VDR: variants seen among roughly 807,000 people sequenced by gnomAD.
The protein encoded by VDR is vitamin D3 receptor.
Under a neutral mutation model 39.7 loss-of-function variants are expected in VDR, and 19 were observed. The ratio of observed to expected loss-of-function variants is 0.48; its 90% CI spans 0.33 to 0.70. The LOEUF is 0.70. Ranked by LOEUF, VDR falls within the 30% of genes least tolerant of loss-of-function variation. The probability of loss-of-function intolerance (pLI) is 0.02; values close to 1 mark genes in which losing one functional copy is unlikely to be tolerated. For synonymous variants in VDR, 242 were observed against 215.8 expected (o/e 1.12, Z -1.07); for missense variants, 442 against 570.5 (o/e 0.77, Z 2.29).
At chr12:47,879,476 T>C (rs770095680) in intron 2 of VDR, among the ~76,000 whole-genome samples, 3 of 152,180 alleles carry the variant, frequency 2.0e-5, no homozygotes, top group Admixed American at 6.5e-5. Context: ...ATGAACCCAT[T>C]CATGCTACTG....
chr12:47,873,255 A>T (rs1370256622), intron 3 of VDR, among the ~76,000 whole-genome samples: 3 of 151,404 alleles, frequency 2.0e-5, no homozygotes, highest in African/African-American at 7.3e-5. Flanking sequence ...GCTGCCATGT[A>T]AGACAGGCCT....
At chr12:47,870,045 G>A (rs2189480) in intron 3 of VDR, among the ~76,000 whole-genome samples, 1 of 151,952 alleles carries the variant, frequency 6.6e-6, no homozygotes, top group South Asian at 2.1e-4. Flanking sequence ...AGTGTTCAGG[G>A]TATAGAAAGT....
At chr12:47,861,955 A>C (rs1358204231) in intron 4 of VDR, among the ~76,000 whole-genome samples, 2 of 152,376 alleles carry the variant, frequency 1.3e-5, no homozygotes. Flanking sequence ...GTTTGGGAGA[A>C]TCTTACTGAT....
Position 47,842,403 on chromosome 12 carries a change from C to T in VDR, c.*2343G>A, listed in dbSNP as rs1176877517. The T allele has an allele frequency of 6.6e-6, 1 of 152,376 alleles. No individual in the cohort carries two copies. Among genetic ancestry groups the T allele is most frequent in the Non-Finnish European group, 1.5e-5 (1 of 68,066 alleles). The allele number at this position is 152,376 out of a possible 1,614,324, so 9.4% of individuals were successfully genotyped here. Reference sequence around the variant, plus strand: ...CCACCTGGGGAATGAGAGTGGGGGTCTGAGCTCAAACATGGTGTAGTGAAA... The same window carrying T: ...CCACCTGGGGAATGAGAGTGGGGGTTTGAGCTCAAACATGGTGTAGTGAAA... On this transcript the variant is annotated 3_prime_UTR_variant, in exon 10 of 10. Transcript: ENST00000549336.
At chr12:47,886,630 A>C (rs1202964706) in intron 1 of VDR, among the ~76,000 whole-genome samples, 2 of 152,232 alleles carry the variant, frequency 1.3e-5, no homozygotes, top group Non-Finnish European at 2.9e-5. Context: ...GAACGATTGG[A>C]AATTATTTTC....
intron 3 of VDR, among the ~76,000 whole-genome samples, chr12:47,873,176 T>C (rs1945919922): frequency 6.6e-6 from 1 of 152,002 alleles, no homozygotes; most frequent in Non-Finnish European, 1.5e-5. Context: ...TGATACTGAG[T>C]GAGTTCTCAC....
At position 47,877,366 on chromosome 12, in the gene VDR, CA is replaced by C. The variant is rs1490702923; in HGVS notation, c.146+1601del. On this transcript the variant is annotated intron_variant, in intron 3 of 9. Transcript: ENST00000549336. ...GCTCAAAAATCTCAGCTTTTTTCAT[CA>C]GACTGAAAAAGTGTTTTTCAAAGCA... Among the ~76,000 whole-genome samples the C allele has an allele frequency of 3.3e-5, 5 of 152,284 alleles. No homozygotes were observed. In the East Asian group the frequency reaches 9.7e-4, roughly 29 times the overall value.
intron 3 of VDR, among the ~76,000 whole-genome samples, chr12:47,868,673 G>T (rs775160100): frequency 2.6e-5 from 4 of 151,944 alleles, no homozygotes; most frequent in South Asian, 2.1e-4. Flanking sequence ...GGCTTCATCC[G>T]TCACCACAAA....
intron 4 of VDR, among the ~76,000 whole-genome samples, chr12:47,863,426 C>T (rs1945664774): frequency 6.6e-6 from 1 of 152,200 alleles, no homozygotes; most frequent in Non-Finnish European, 1.5e-5. Flanking sequence ...TGCAGTGGAA[C>T]CTCGTGCCAG....
chr12:47,887,881 C>T (rs545943694), intron 1 of VDR, among the ~76,000 whole-genome samples: 1 of 152,318 alleles, frequency 6.6e-6, no homozygotes, highest in East Asian at 1.9e-4. Flanking sequence ...AAGGAGTTTA[C>T]CCCTGAAGCT....
rs1380207149 is a variant in VDR, at chr12:47,855,743, G to C, written c.642C>G (p.Asp214Glu). The change falls in exon 7 of 10, where the codon GAC becomes GAG. Residue 214 changes from aspartate (D) to glutamate (E), a missense_variant. Around this residue, in one of 5 missense-constraint regions of VDR, gnomAD observed 77 missense variants for 67.4 expected, o/e 1.14. Coordinates refer to ENST00000549336, the MANE Select transcript of VDR (RefSeq NM_000376.3). ...GGGACAGCTCTAGGGTCACAGAAGGGTCATCTGAATCTTCTTCACTCAGAT... is the reference window on the plus strand; with the variant it reads ...GGGACAGCTCTAGGGTCACAGAAGGCTCATCTGAATCTTCTTCACTCAGAT... ...NLDLSEEDSD[D>E]PSVTLELSQL... 3 of 1,614,184 alleles carry C rather than the reference G, an allele frequency of 1.9e-6. No individual in the cohort carries two copies. Among genetic ancestry groups the C allele is most frequent in the Non-Finnish European group, 2.5e-6 (3 of 1,180,018 alleles).
rs753103257 is a variant in VDR at position 47,844,745 on chromosome 12, G to A, written c.*1C>T. On this transcript the variant is annotated 3_prime_UTR_variant, in exon 10 of 10. Coordinates refer to ENST00000549336, the MANE Select transcript of VDR (RefSeq NM_000376.3). ...CCAGGCACCGCCACAGGCTGTCCTAGTCAGGAGATCTCATTGCCAAACACT... is the reference window on the plus strand; with the variant it reads ...CCAGGCACCGCCACAGGCTGTCCTAATCAGGAGATCTCATTGCCAAACACT... 11 of 1,613,914 alleles carry A rather than the reference G, an allele frequency of 6.8e-6. No individual in the cohort carries two copies. Among genetic ancestry groups the A allele is most frequent in the Non-Finnish European group, 9.3e-6 (11 of 1,179,990 alleles).
At chr12:47,872,224 C>T (rs1945898260) in intron 3 of VDR, among the ~76,000 whole-genome samples, 1 of 152,206 alleles carries the variant, frequency 6.6e-6, no homozygotes, top group Admixed American at 6.5e-5. Flanking sequence ...ACTTAACCTT[C>T]CCATCCATTA....
chr12:47,865,428 G>A (rs548154925), intron 3 of VDR, among the ~76,000 whole-genome samples: 1 of 152,076 alleles, frequency 6.6e-6, no homozygotes, highest in Non-Finnish European at 1.5e-5. Flanking sequence ...GTTTCTTTTG[G>A]GGGGACAGGG....
At chr12:47,878,841 T>G in intron 3 of VDR, 127 bp downstream of exon 3, 7 of 1,473,752 alleles carry the variant, frequency 4.7e-6, no homozygotes, top group Non-Finnish European at 2.8e-6. Context: ...CCTGTGGCTG[T>G]GAGCGCCGCA....
At position 47,869,453 on chromosome 12, in the gene VDR, G is replaced by A. The variant is rs1231681048; in HGVS notation, c.147-4276C>T. ...CGGGAGGCTGAGGCAGGAGAATGGC[G>A]TGAACCCGGGAGGTGGAGCTTGCAG... is the stretch of plus-strand genomic sequence containing the variant. On this transcript the variant is annotated intron_variant, in intron 3 of 9. Coordinates refer to ENST00000549336, the MANE Select transcript of VDR (RefSeq NM_000376.3). Among the ~76,000 whole-genome samples the A allele has an allele frequency of 5.4e-5, 8 of 148,478 alleles. No homozygotes were observed. The East Asian group carries it at 1.2e-3, about 22-fold the overall frequency.
Position 47,865,030 on chromosome 12 carries a change from A to G in VDR, c.277+17T>C, listed in dbSNP as rs750048256. ...TCCACTTCAGGCCCAAACCCTGCCCAGCCCCTGGACACTCACACTCCTTCA... is the reference window on the plus strand; with the variant it reads ...TCCACTTCAGGCCCAAACCCTGCCCGGCCCCTGGACACTCACACTCCTTCA... On this transcript the variant is annotated intron_variant, in intron 4 of 9. Transcript: ENST00000549336. The G allele has an allele frequency of 1.2e-6, 2 of 1,612,690 alleles. No individual in the cohort carries two copies. Among genetic ancestry groups the G allele is most frequent in the Non-Finnish European group, 1.7e-6 (2 of 1,178,896 alleles).
At chr12:47,859,929 TTCTTTC>T (rs1945589860) in intron 4 of VDR, among the ~76,000 whole-genome samples, 1 of 82,506 alleles carries the variant, frequency 1.2e-5, no homozygotes, top group South Asian at 4.3e-4. Flanking sequence ...TTCTTTTTCT[TTCTTTC>T]TTTCTTTCTT....
intron 4 of VDR, among the ~76,000 whole-genome samples, chr12:47,858,313 A>G (rs370140467): frequency 3.9e-5 from 6 of 152,328 alleles, no homozygotes; most frequent in East Asian, 1.9e-4. Flanking sequence ...GGACTCCTCT[A>G]TGTGGCTGTC....
Sources: allele counts gnomAD v4.1 joint callset (sites outside exome capture counted in the v4.1 genomes callset), GRCh38; gene constraint gnomAD v4.1.1; regional missense constraint gnomAD v4.1.1; transcripts MANE v1.5; gene names NCBI Gene and HGNC (gene_info 2026-07-23, HGNC 2026-07-21).